ATP7A: variants seen among roughly 807,000 people sequenced by gnomAD.
ATP7A encodes the protein ATPase copper transporting alpha.
Under a neutral mutation model 83.5 loss-of-function variants are expected in ATP7A, and 7 were observed. The observed-to-expected ratio is 0.08, with a 90% CI of 0.05 to 0.16. The LOEUF (loss-of-function observed/expected upper bound fraction) is 0.16. Among genes scored for constraint, ATP7A ranks in the 10% least tolerant of loss-of-function variants. The pLI, the probability that ATP7A is intolerant of heterozygous loss-of-function variation, is 1.00. For synonymous variants in ATP7A, 354 were observed against 395.2 expected (o/e 0.90, Z 1.24); for missense variants, 940 against 1,120.8 (o/e 0.84, Z 2.30).
chrX:78,035,057 T>A (rs782695929), intron 17 of ATP7A, among the ~76,000 whole-genome samples: 4 of 111,736 alleles, frequency 3.6e-5, no homozygotes, highest in Non-Finnish European at 5.7e-5. Flanking sequence ...TTCCTTTTAA[T>A]TGTCCTTTGG....
At chrX:77,992,099 C>T (rs1210414332) in intron 4 of ATP7A, among the ~76,000 whole-genome samples, 8 of 103,016 alleles carry the variant, frequency 7.8e-5, no homozygotes, top group African/African-American at 2.9e-4. Flanking sequence ...GAATCTTGTT[C>T]TGTCACCCAG....
chrX:77,974,122 A>G (rs921205751), intron 2 of ATP7A, among the ~76,000 whole-genome samples: 2 of 108,116 alleles, frequency 1.8e-5, no homozygotes, highest in African/African-American at 3.4e-5. Context: ...GGGATTTTCT[A>G]TGTAATTATG....
At chrX:77,915,419 C>T (rs1051455517) in intron 1 of ATP7A, among the ~76,000 whole-genome samples, 1 of 110,402 alleles carries the variant, frequency 9.1e-6, no homozygotes, top group East Asian at 2.8e-4. Context: ...ACTTGTATGA[C>T]CCTGCGCAGA....
rs372215717 is a variant in ATP7A at position 77,969,361 on chromosome X, C to T, written c.-21-2260C>T. ...TGCTTTATTGAGACCGGTTAGACCC[C>T]CATAGTGCCGCTCATTGAGGCGCCA... On this transcript the variant is annotated intron_variant, in intron 1 of 22. Coordinates refer to ENST00000341514, the MANE Select transcript of ATP7A (RefSeq NM_000052.7). The T allele has an allele frequency of 1.2e-5, 14 of 1,208,622 alleles. No homozygotes were observed. In the African/African-American group the frequency reaches 1.6e-4, roughly 14 times the overall value.
chrX:77,917,675 G>A (rs973567513), intron 1 of ATP7A, among the ~76,000 whole-genome samples: 11 of 112,307 alleles, frequency 9.8e-5, no homozygotes, highest in Admixed American at 3.8e-4. Flanking sequence ...TTCTAGTTGC[G>A]TTTAATGGTA....
chrX:77,983,205 A>C (rs1431074771), intron 2 of ATP7A, among the ~76,000 whole-genome samples: 4 of 112,275 alleles, frequency 3.6e-5, no homozygotes, highest in African/African-American at 1.3e-4. Context: ...AAGAAAGAAT[A>C]CAGAAGAGAA....
In ATP7A at chrX:78,046,849, T is replaced by C. The variant is rs2078086431; in HGVS notation, c.*279T>C. On this transcript the variant is annotated 3_prime_UTR_variant, in exon 23 of 23. Transcript: ENST00000341514. ...TACAACAAGCCCTACAATTAGAGAT[T>C]GCTGAACTGCTGCTAAAGTGATTTT... 4.0e-6 allele frequency: 1 copy of C among 251,232 alleles called. No homozygotes were observed. Among genetic ancestry groups the C allele is most frequent in the South Asian group, 1.7e-4 (1 of 6,042 alleles). The allele number at this position is 251,232 out of a possible 1,213,427, so 20.7% of individuals were successfully genotyped here.
At chrX:77,990,005 A>T (rs1219573292) in intron 4 of ATP7A, 47 bp downstream of exon 4, 31 of 1,197,019 alleles carry the variant, frequency 2.6e-5, no homozygotes, top group Non-Finnish European at 3.4e-5. Flanking sequence ...TTTTACTTCC[A>T]TTTTGCTGCT....
At chrX:77,932,651 C>G (rs782031837) in intron 1 of ATP7A, among the ~76,000 whole-genome samples, 19 of 113,002 alleles carry the variant, frequency 1.7e-4, no homozygotes, top group South Asian at 1.1e-3. Flanking sequence ...GTCTGCAAAC[C>G]CGGCACCTCG....
chrX:77,924,146 A>G (rs1422243366), intron 1 of ATP7A: 1 of 111,655 alleles, frequency 9.0e-6, no homozygotes, highest in African/African-American at 3.3e-5. Context: ...GTGAGATGAC[A>G]AAGTTCATCT....
chrX:78,019,094 A>G (rs918635688), intron 12 of ATP7A, among the ~76,000 whole-genome samples: 3 of 112,281 alleles, frequency 2.7e-5, no homozygotes, highest in African/African-American at 9.7e-5. Flanking sequence ...CGTATCAACT[A>G]TTGAAGACTT....
intron 9 of ATP7A, 144 bp from the exon 10 acceptor site, chrX:78,012,735 G>T: frequency 1.9e-6 from 1 of 522,835 alleles, no homozygotes; most frequent in Non-Finnish European, 3.3e-6. Context: ...ATACAAACAC[G>T]ATTGTTTTGG....
intron 1 of ATP7A, among the ~76,000 whole-genome samples, chrX:77,954,026 A>G: frequency 8.9e-6 from 1 of 112,726 alleles, no homozygotes; most frequent in East Asian, 2.8e-4. Flanking sequence ...AAAAATGACC[A>G]GTGAAGTACA....
intron 21 of ATP7A, among the ~76,000 whole-genome samples, chrX:78,044,531 C>T (rs1159444848): frequency 9.0e-6 from 1 of 110,996 alleles, no homozygotes; most frequent in African/African-American, 3.3e-5. Flanking sequence ...AAGTATTTTC[C>T]TCTAGTCTTT....
chrX:78,041,648 T>G (rs782635259), intron 19 of ATP7A, among the ~76,000 whole-genome samples: 1 of 111,406 alleles, frequency 9.0e-6, no homozygotes, highest in Non-Finnish European at 1.9e-5. Context: ...ATGCTCCCCA[T>G]TCAGTCCTAC....
In ATP7A at chrX:78,020,314, A is replaced by G. The variant is rs1557235606; in HGVS notation, c.2697A>G (p.Ser899=). ...CTGGTTCCATTAACCAGAACGGGTCACTGCTTATCTGCGCAACACATGTTG... is the reference window on the plus strand; with the variant it reads ...CTGGTTCCATTAACCAGAACGGGTCGCTGCTTATCTGCGCAACACATGTTG... ...VIAGSINQNG[S]LLICATHVGA... The change falls in exon 13 of 23, where the codon TCA becomes TCG. Residue 899 remains serine, a synonymous_variant. Coordinates refer to ENST00000341514, the MANE Select transcript of ATP7A (RefSeq NM_000052.7). 1.7e-6 allele frequency: 2 copies of G among 1,211,654 alleles called. No individual in the cohort carries two copies. Among genetic ancestry groups the G allele is most frequent in the South Asian group, 1.8e-5 (1 of 56,992 alleles).
rs1343693994 is a variant in ATP7A, at chrX:77,989,668, G to A, written c.1046G>A (p.Ser349Asn). 8.3e-7 allele frequency: 1 copy of A among 1,209,710 alleles called. No individual in the cohort carries two copies. Among genetic ancestry groups the A allele is most frequent in the East Asian group, 3.0e-5 (1 of 33,781 alleles). ...SPGLYRVSITSEVESTSNSPS... is the reference protein window; with the variant it reads ...SPGLYRVSITNEVESTSNSPS... ...GGGCTATATAGAGTTAGTATCACAA[G>A]TGAAGTTGAGAGTACCTCAAACTCT... is the stretch of plus-strand genomic sequence containing the variant. The change falls in exon 4 of 23, where the codon AGT (serine) becomes AAT (asparagine). Residue 349 changes from serine to asparagine, a missense_variant. This residue lies in a region of ATP7A where 350 missense variants were observed against 432.8 expected (regional missense o/e 0.81). Coordinates refer to ENST00000341514, the MANE Select transcript of ATP7A (RefSeq NM_000052.7).
At chrX:78,021,126 A>C (rs782459302) in intron 14 of ATP7A, 47 bp downstream of exon 14, 11 of 1,133,377 alleles carry the variant, frequency 9.7e-6, no homozygotes, top group Non-Finnish European at 1.3e-5. Flanking sequence ...ACAATTTGTG[A>C]GTCTTTTGCA....
intron 14 of ATP7A, among the ~76,000 whole-genome samples, chrX:78,024,025 T>C (rs782217281): frequency 9.0e-6 from 1 of 111,545 alleles, no homozygotes; most frequent in Non-Finnish European, 1.9e-5. Context: ...GCTAGCTAGT[T>C]TTCCCAGCAC....
Sources: allele counts gnomAD v4.1 joint callset (sites outside exome capture counted in the v4.1 genomes callset), GRCh38; gene constraint gnomAD v4.1.1; regional missense constraint gnomAD v4.1.1; transcripts MANE v1.5; gene names NCBI Gene and HGNC (gene_info 2026-07-23, HGNC 2026-07-21).